Variants in PTPRD observed in about 807,000 individuals in gnomAD.
PTPRD encodes receptor-type tyrosine-protein phosphatase delta.
Under a neutral mutation model 214.5 loss-of-function variants are expected in PTPRD, and 34 were observed. That is an observed-to-expected ratio of 0.16 (90% CI 0.12 to 0.21). The LOEUF is 0.21. Among genes scored for constraint, PTPRD ranks in the 10% least tolerant of loss-of-function variants. The probability of loss-of-function intolerance (pLI) is 1.00; values close to 1 mark genes in which losing one functional copy is unlikely to be tolerated. For missense variants in PTPRD, 2,545 were observed against 2,398.7 expected, an observed-to-expected ratio of 1.06 and a Z score of -1.27; for synonymous variants, 1,128 against 845.7, an observed-to-expected ratio of 1.33 and a Z score of -5.79.
At chr9:8,485,465 A>T (rs745316764) in intron 28 of PTPRD, 141 bp from the exon 29 acceptor site, 117 of 654,134 alleles carry the variant, frequency 1.8e-4, no homozygotes, top group Non-Finnish European at 2.8e-4. Context: ...ACCTGTTTAG[A>T]GCATTCATTT....
chr9:8,678,094 A>G (rs1423334008), intron 12 of PTPRD, among the ~76,000 whole-genome samples: 2 of 152,172 alleles, frequency 1.3e-5, no homozygotes, highest in East Asian at 1.9e-4. Context: ...AAAACTTTAC[A>G]TGGGAATTTA....
intron 7 of PTPRD, among the ~76,000 whole-genome samples, chr9:9,630,843 C>A (rs571106698): frequency 8.6e-4 from 131 of 152,082 alleles, no homozygotes; most frequent in African/African-American, 3.1e-3. Context: ...CAATATTTCC[C>A]AGGACGTAGA....
chr9:10,008,784 A>G (rs1379309364), intron 4 of PTPRD, among the ~76,000 whole-genome samples: 4 of 152,014 alleles, frequency 2.6e-5, no homozygotes, highest in African/African-American at 7.2e-5. Context: ...TCAATTGACA[A>G]GGGTTAATTT....
chr9:8,467,033 G>C (rs995782597), intron 31 of PTPRD, among the ~76,000 whole-genome samples: 2 of 151,740 alleles, frequency 1.3e-5, no homozygotes, highest in Non-Finnish European at 2.9e-5. Context: ...GTGTTCAGCT[G>C]GTTCAAAATT....
chr9:9,073,220 G>C (rs1165657609), intron 10 of PTPRD, among the ~76,000 whole-genome samples: 4 of 152,150 alleles, frequency 2.6e-5, no homozygotes, highest in African/African-American at 7.2e-5. Flanking sequence ...TGTTCATTTT[G>C]TACAAGCACT....
chr9:8,914,200 T>A (rs1232421125), intron 11 of PTPRD, among the ~76,000 whole-genome samples: 4 of 152,198 alleles, frequency 2.6e-5, no homozygotes. Flanking sequence ...ATAATTTTAA[T>A]GTAATAATGA....
intron 5 of PTPRD, among the ~76,000 whole-genome samples, chr9:9,771,711 G>A (rs946428907): frequency 3.3e-5 from 5 of 152,068 alleles, no homozygotes; most frequent in Non-Finnish European, 7.4e-5. Flanking sequence ...GATGTGTGAC[G>A]TTTCAATGAC....
intron 4 of PTPRD, among the ~76,000 whole-genome samples, chr9:9,955,492 T>C (rs1399990325): frequency 1.3e-5 from 2 of 151,748 alleles, no homozygotes; most frequent in African/African-American, 2.4e-5. Context: ...CTCTGGATAT[T>C]TGGGTTTTCG....
intron 2 of PTPRD, among the ~76,000 whole-genome samples, chr9:10,611,912 C>CA (rs1229491837): frequency 1.3e-5 from 2 of 150,646 alleles, no homozygotes; most frequent in Non-Finnish European, 3.0e-5. Flanking sequence ...TCCGCCCCCC[C>CA]CCCCTTTTTT....
intron 3 of PTPRD, among the ~76,000 whole-genome samples, chr9:10,046,094 G>C (rs1172117431): frequency 6.6e-6 from 1 of 151,670 alleles, no homozygotes; most frequent in African/African-American, 2.4e-5. Context: ...AAATATTCTA[G>C]CAGCTGGATT....
At chr9:9,122,005 C>A (rs2099818073) in intron 10 of PTPRD, among the ~76,000 whole-genome samples, 1 of 152,008 alleles carries the variant, frequency 6.6e-6, no homozygotes, top group African/African-American at 2.4e-5. Context: ...TTAATGTTCC[C>A]AGAATTTGTT....
At chr9:8,320,003 T>A in intron 44 of PTPRD, 37 bp from the exon 45 acceptor site, 1 of 1,605,494 alleles carries the variant, frequency 6.2e-7, no homozygotes, top group Non-Finnish European at 8.5e-7. Context: ...CTGGGTGAGA[T>A]GTTCACAGTC....
intron 5 of PTPRD, among the ~76,000 whole-genome samples, chr9:9,784,291 T>C (rs539956741): frequency 7.7e-4 from 117 of 152,184 alleles, no homozygotes; most frequent in African/African-American, 2.7e-3. Context: ...AGAGAAATAC[T>C]TGGAATTTAC....
intron 3 of PTPRD, 22 bp from the exon 4 acceptor site, chr9:10,033,812 C>T (rs1041814182): frequency 2.0e-5 from 3 of 152,000 alleles, no homozygotes; most frequent in African/African-American, 4.8e-5. Context: ...AGTGAGAGAT[C>T]GCTTTAATTC....
chr9:9,678,453 A>G (rs2096983610), intron 7 of PTPRD, among the ~76,000 whole-genome samples: 1 of 152,118 alleles, frequency 6.6e-6, no homozygotes, highest in Non-Finnish European at 1.5e-5. Flanking sequence ...AACCTGACAA[A>G]AACAAGAAAT....
chr9:9,096,149 T>C (rs2099783179), intron 10 of PTPRD, among the ~76,000 whole-genome samples: 1 of 152,198 alleles, frequency 6.6e-6, no homozygotes, highest in Admixed American at 6.5e-5. Flanking sequence ...TCTAGAGATT[T>C]CATGTGCAAC....
At chr9:8,343,594 C>T (rs1005916192) in intron 39 of PTPRD, among the ~76,000 whole-genome samples, 10 of 151,998 alleles carry the variant, frequency 6.6e-5, no homozygotes, top group African/African-American at 2.2e-4. Flanking sequence ...CCCATTCCTA[C>T]CCTCCCAGGT....
intron 10 of PTPRD, among the ~76,000 whole-genome samples, chr9:9,100,293 C>A (rs1455390320): frequency 1.3e-5 from 2 of 152,216 alleles, no homozygotes; most frequent in East Asian, 3.9e-4. Context: ...CCCAAATATG[C>A]CTGCAACCCT....
Position 10,197,546 on chromosome 9 carries a change from G to A in PTPRD, c.-545+143417C>T, listed in dbSNP as rs146774873. Among the ~76,000 whole-genome samples the A allele has an allele frequency of 9.9e-3, 1,513 of 152,170 alleles. 30 individuals are homozygous for A. Among genetic ancestry groups the A allele is most frequent in the African/African-American group, 0.035 (1,435 of 41,528 alleles). ...ACTTATTACAGGGAACTATATCTCTGTAAGAAATAAGAGGTACGTTTTGAC... is the reference window on the plus strand; with the variant it reads ...ACTTATTACAGGGAACTATATCTCTATAAGAAATAAGAGGTACGTTTTGAC... On this transcript the variant is annotated intron_variant, in intron 3 of 45. Coordinates refer to ENST00000381196, the MANE Select transcript of PTPRD (RefSeq NM_002839.4).
Sources: gnomAD v4.1 joint callset for allele counts (sites outside exome capture counted in the v4.1 genomes callset) on GRCh38, gnomAD v4.1.1 for gene constraint, MANE v1.5 for transcripts, NCBI Gene and HGNC (gene_info 2026-07-23, HGNC 2026-07-21) for gene names.